PLPP4: variants seen among roughly 807,000 people sequenced by gnomAD.
PLPP4 encodes the protein diacylglycerol pyrophosphate like 2.
Under a neutral mutation model 32.2 loss-of-function variants are expected in PLPP4, and 20 were observed. The ratio of observed to expected loss-of-function variants is 0.62; its 90% confidence interval spans 0.44 to 0.90. The LOEUF (loss-of-function observed/expected upper bound fraction) is 0.90, where lower values mean the gene tolerates loss of function less well. Among genes scored for constraint, PLPP4 ranks in the 40% least tolerant of loss-of-function variants. The pLI, the probability that PLPP4 is intolerant of heterozygous loss-of-function variation, is 0.00. For missense variants in PLPP4, 257 were observed against 353.1 expected (o/e 0.73, Z 2.18); for synonymous variants, 127 against 133.0 (o/e 0.95, Z 0.31).
At chr10:120,520,873 G>C in intron 4 of PLPP4, 98 bp from the exon 5 acceptor site, 3 of 1,466,922 alleles carry the variant, frequency 2.0e-6, no homozygotes, top group Non-Finnish European at 2.8e-6. Context: ...AGGGGGCTGA[G>C]GAAAGAGCTG....
intron 1 of PLPP4, among the ~76,000 whole-genome samples, chr10:120,485,951 CT>C (rs1844428726): frequency 6.6e-6 from 1 of 152,176 alleles, no homozygotes; most frequent in Non-Finnish European, 1.5e-5. Context: ...ACACCAACTG[CT>C]GCACGATATT....
chr10:120,591,834 T>C lies in PLPP4; in HGVS notation c.*2332T>C, dbSNP rs979837520. 6.6e-6 allele frequency among the ~76,000 whole-genome samples: 1 copy of C among 152,200 alleles called. No homozygotes were observed. The highest frequency in any genetic ancestry group is 1.5e-5 in the Non-Finnish European group (1 of 68,034). ...AGTATTACTAATGCTGATAATTACA[T>C]GGAAAATCCTAATACTGGCCATGTA... On this transcript the variant is annotated 3_prime_UTR_variant, in exon 7 of 7. Transcript: ENST00000398250.
At chr10:120,546,110 T>G (rs1468941320) in intron 5 of PLPP4, among the ~76,000 whole-genome samples, 1 of 152,186 alleles carries the variant, frequency 6.6e-6, no homozygotes, top group Non-Finnish European at 1.5e-5. Flanking sequence ...GGCTTCCCTA[T>G]TTTTGAGGTT....
chr10:120,503,644 C>T (rs1257595146), intron 1 of PLPP4, 174 bp from the exon 2 acceptor site: 1 of 1,602,198 alleles, frequency 6.2e-7, no homozygotes, highest in Non-Finnish European at 8.5e-7. Context: ...GTGATTCTTT[C>T]AGTCCTTCCC....
intron 5 of PLPP4, among the ~76,000 whole-genome samples, chr10:120,523,307 A>G (rs1195993351): frequency 6.6e-6 from 1 of 151,608 alleles, no homozygotes; most frequent in Non-Finnish European, 1.5e-5. Context: ...TCTCAAGAAA[A>G]GAAAAAAAAA....
At chr10:120,558,824 G>T (rs894887326) in intron 5 of PLPP4, among the ~76,000 whole-genome samples, 2 of 152,080 alleles carry the variant, frequency 1.3e-5, no homozygotes, top group Non-Finnish European at 2.9e-5. Context: ...CTCTAGTATG[G>T]ACCTATTATA....
At chr10:120,585,800 C>T (rs1368726552) in intron 6 of PLPP4, among the ~76,000 whole-genome samples, 2 of 152,156 alleles carry the variant, frequency 1.3e-5, no homozygotes, top group Non-Finnish European at 2.9e-5. Context: ...CAGTTCTTCT[C>T]TTGGGAATGG....
chr10:120,537,216 T>G (rs1156890754), intron 5 of PLPP4, among the ~76,000 whole-genome samples: 1 of 152,156 alleles, frequency 6.6e-6, no homozygotes, highest in Non-Finnish European at 1.5e-5. Flanking sequence ...ATGAAATCAG[T>G]ATGTCAAAGA....
rs572204090 is a variant in PLPP4 at position 120,556,431 on chromosome 10, G to T, written c.446-18700G>T. ...AACTTAAACTATTTCTGGCCCACAT[G>T]TCTGTTTGTGAATGCAGGGAGTGTT... is the stretch of plus-strand genomic sequence containing the variant. On this transcript the variant is annotated intron_variant, in intron 5 of 6. Transcript: ENST00000398250. Among the ~76,000 whole-genome samples, 4 of 152,330 alleles carry T rather than the reference G, an allele frequency of 2.6e-5. No homozygotes were observed. The East Asian group carries it at 5.8e-4, about 22-fold the overall frequency.
chr10:120,591,334 G>C lies in PLPP4; in HGVS notation c.*1832G>C, dbSNP rs910862371. The stretch of plus-strand genomic sequence containing the variant: ...GGCACGGTCATGTGATTGTCCCCTG[G>C]ATGGAGTGGGAGAGGGGGAGGCTTG... On this transcript the variant is annotated 3_prime_UTR_variant, in exon 7 of 7. Coordinates refer to ENST00000398250, the MANE Select transcript of PLPP4 (RefSeq NM_001030059.3). 2.6e-5 allele frequency among the ~76,000 whole-genome samples: 4 copies of C among 152,124 alleles called. No homozygotes were observed. Among genetic ancestry groups the C allele is most frequent in the African/African-American group, 9.7e-5 (4 of 41,408 alleles).
intron 1 of PLPP4, among the ~76,000 whole-genome samples, chr10:120,499,675 C>T (rs970404207): frequency 1.3e-5 from 2 of 152,150 alleles, no homozygotes; most frequent in African/African-American, 4.8e-5. Context: ...GCTGGAAATG[C>T]TAGCTCTAAG....
chr10:120,524,353 C>CT (rs915593209), intron 5 of PLPP4, among the ~76,000 whole-genome samples: 9 of 151,994 alleles, frequency 5.9e-5, no homozygotes, highest in Non-Finnish European at 1.2e-4. Context: ...TATAAACACT[C>CT]TTTTTTTTCC....
intron 3 of PLPP4, among the ~76,000 whole-genome samples, chr10:120,516,435 G>A (rs1845938273): frequency 6.6e-6 from 1 of 152,188 alleles, no homozygotes; most frequent in African/African-American, 2.4e-5. Context: ...TGGGCTTTTA[G>A]GAATTCAGGC....
At chr10:120,479,291 T>C (rs1844092785) in intron 1 of PLPP4, among the ~76,000 whole-genome samples, 1 of 152,176 alleles carries the variant, frequency 6.6e-6, no homozygotes, top group Non-Finnish European at 1.5e-5. Context: ...CCACCAGTTT[T>C]GCCAAATCGT....
intron 1 of PLPP4, among the ~76,000 whole-genome samples, chr10:120,484,736 A>G (rs1844365989): frequency 6.6e-6 from 1 of 152,208 alleles, no homozygotes; most frequent in Admixed American, 6.5e-5. Flanking sequence ...TGGAAGAATA[A>G]TGTTCCCCCA....
intron 5 of PLPP4, among the ~76,000 whole-genome samples, chr10:120,544,484 G>A (rs190383202): frequency 2.0e-5 from 3 of 152,214 alleles, no homozygotes; most frequent in Non-Finnish European, 4.4e-5. Flanking sequence ...ACAGAGCCCT[G>A]GTCAAGGCTC....
At chr10:120,558,511 G>T (rs1053989625) in intron 5 of PLPP4, among the ~76,000 whole-genome samples, 1 of 151,286 alleles carries the variant, frequency 6.6e-6, no homozygotes, top group Non-Finnish European at 1.5e-5. Flanking sequence ...CACCTCCCAG[G>T]TTCAAGCTAT....
chr10:120,533,013 G>A (rs1353821031), intron 5 of PLPP4, among the ~76,000 whole-genome samples: 1 of 152,080 alleles, frequency 6.6e-6, no homozygotes, highest in African/African-American at 2.4e-5. Context: ...AGTAATTGTG[G>A]TTTTTGCCAC....
Position 120,590,648 on chromosome 10 carries a change from GT to G in PLPP4, c.*1152del, listed in dbSNP as rs1162841781. ...GAGCACGCTGCTCCTTGGCCAGCTA[GT>G]TTTTTCAAGGCAAGGAGCATCCCCT... On this transcript the variant is annotated 3_prime_UTR_variant, in exon 7 of 7. Transcript: ENST00000398250. Among the ~76,000 whole-genome samples the G allele has an allele frequency of 6.6e-6, 1 of 151,952 alleles. No homozygotes were observed. Among genetic ancestry groups the G allele is most frequent in the Non-Finnish European group, 1.5e-5 (1 of 67,998 alleles).
Sources: allele counts gnomAD v4.1 joint callset (sites outside exome capture counted in the v4.1 genomes callset), GRCh38; gene constraint gnomAD v4.1.1; transcripts MANE v1.5; gene names NCBI Gene and HGNC (gene_info 2026-07-23, HGNC 2026-07-21).